Variants in CTSO observed in about 807,000 individuals in gnomAD.
CTSO encodes cathepsin O.
In CTSO, 40 loss-of-function variants were observed where a neutral mutation model predicts 42.4. The ratio of observed to expected loss-of-function variants is 0.94; its 90% CI spans 0.73 to 1.23. The LOEUF is 1.23. CTSO is among the 50% of genes most tolerant of loss of function. The probability of loss-of-function intolerance (pLI) is 0.00; values close to 1 mark genes in which losing one functional copy is unlikely to be tolerated. For synonymous variants in CTSO, 156 were observed against 146.2 expected, an observed-to-expected ratio of 1.07 and a Z score of -0.48; for missense variants, 441 against 396.0, an observed-to-expected ratio of 1.11 and a Z score of -0.96.
rs746546421 is a variant in CTSO at position 155,929,605 on chromosome 4, G to A, written c.775C>T (p.Gln259Ter). The A allele has an allele frequency of 3.7e-6, 6 of 1,613,840 alleles. No individual in the cohort carries two copies. The highest frequency in any genetic ancestry group is 5.1e-6 in the Non-Finnish European group (6 of 1,179,988). Reference protein sequence around the residue: ...SWQDYLGGIIQHHCSSGEANH... With the variant: ...SWQDYLGGII ...GCTTCTCCACTAGAGCAGTGATGCTGTATAATGCCTCCCAGATAATCTTGC... is the reference window on the plus strand; with the variant it reads ...GCTTCTCCACTAGAGCAGTGATGCTATATAATGCCTCCCAGATAATCTTGC... Residue 259 changes from glutamine (Q) to a stop codon, truncating the protein, a stop_gained, in exon 6 of 8, where the codon CAG (glutamine) becomes TAG (stop). Coordinates refer to ENST00000433477, the MANE Select transcript of CTSO (RefSeq NM_001334.3). LOFTEE classifies it high-confidence loss of function.
At position 155,939,442 on chromosome 4, in the gene CTSO, T is replaced by C; in HGVS notation, c.481A>G (p.Ile161Val). 6.2e-7 allele frequency: 1 copy of C among 1,614,206 alleles called. No homozygotes were observed. The highest frequency in any genetic ancestry group is 1.7e-5 in the Admixed American group (1 of 60,026). ...CCATAATTATTATACGAACAGTCAA[T>C]GACCTGCTGGACACTTAGGTCTTCC... Reference protein sequence around the residue: ...PLEDLSVQQVIDCSYNNYGCN... With the variant: ...PLEDLSVQQVVDCSYNNYGCN... The change falls in exon 4 of 8, where the codon ATT becomes GTT. Residue 161 changes from isoleucine to valine, a missense_variant. Coordinates refer to ENST00000433477, the MANE Select transcript of CTSO (RefSeq NM_001334.3).
chr4:155,950,411 T>C (rs935250867), intron 1 of CTSO, among the ~76,000 whole-genome samples: 2 of 152,216 alleles, frequency 1.3e-5, no homozygotes, highest in African/African-American at 4.8e-5. Flanking sequence ...AAGTATTGGA[T>C]AAATGTATGG....
At position 155,953,741 on chromosome 4, in the gene CTSO, C is replaced by A; in HGVS notation, c.107G>T (p.Ser36Ile). 7.8e-7 allele frequency: 1 copy of A among 1,276,896 alleles called. No individual in the cohort carries two copies. Among genetic ancestry groups the A allele is most frequent in the Non-Finnish European group, 9.9e-7 (1 of 1,012,530 alleles). The allele number at this position is 1,276,896 out of a possible 1,614,324, so 79.1% of individuals were successfully genotyped here. A position where few individuals can be genotyped will look rare whatever the true frequency, so the allele number is the denominator to read the frequency against. Residue 36 changes from serine to isoleucine, a missense_variant, in exon 1 of 8, where the codon AGC (serine) becomes ATC (isoleucine). Coordinates refer to ENST00000433477, the MANE Select transcript of CTSO (RefSeq NM_001334.3). Reference sequence around the variant, plus strand: ...GAAGGCGGCGGCTTCACGCTCGCGGCTCCGCGGCCAGGTCGGGGTGAAGGG... The same window carrying A: ...GAAGGCGGCGGCTTCACGCTCGCGGATCCGCGGCCAGGTCGGGGTGAAGGG... ...RAPFTPTWPRSREREAAAFRE... is the reference protein window; with the variant it reads ...RAPFTPTWPRIREREAAAFRE...
Position 155,925,882 on chromosome 4 carries a change from A to G in CTSO, c.*154T>C. On this transcript the variant is annotated 3_prime_UTR_variant, in exon 8 of 8. Coordinates refer to ENST00000433477, the MANE Select transcript of CTSO (RefSeq NM_001334.3). The stretch of plus-strand genomic sequence containing the variant: ...GTTGTCCATCTCTCTACAAGAAGGG[A>G]ACATTCTGAAACTTAGTTTAAATAC... 1 of 676,804 alleles carries G rather than the reference A, an allele frequency of 1.5e-6. No individual in the cohort carries two copies. The highest frequency in any genetic ancestry group is 2.5e-6 in the Non-Finnish European group (1 of 399,952). The allele number at this position is 676,804 out of a possible 1,614,324, so 41.9% of individuals were successfully genotyped here.
chr4:155,930,255 G>A (rs1265883646), intron 5 of CTSO, among the ~76,000 whole-genome samples: 1 of 152,150 alleles, frequency 6.6e-6, no homozygotes, highest in Non-Finnish European at 1.5e-5. Flanking sequence ...GCCACACCAT[G>A]AGAATCAAGA....
intron 1 of CTSO, among the ~76,000 whole-genome samples, chr4:155,944,192 T>C (rs1743494090): frequency 6.6e-6 from 1 of 152,194 alleles, no homozygotes; most frequent in South Asian, 2.1e-4. Context: ...GTTGAATAAA[T>C]AGATAAGTGA....
At chr4:155,947,016 C>T (rs10006015) in intron 1 of CTSO, among the ~76,000 whole-genome samples, 81,355 of 151,866 alleles carry the variant, frequency 0.54, 22,426 homozygotes, top group South Asian at 0.64. Flanking sequence ...CCACAATGCC[C>T]GGCTAATTTT....
intron 5 of CTSO, among the ~76,000 whole-genome samples, chr4:155,932,440 T>G (rs1384395904): frequency 6.6e-6 from 1 of 152,182 alleles, no homozygotes; most frequent in Non-Finnish European, 1.5e-5. Context: ...GACCAGGTCT[T>G]GTGCCCAGTT....
At chr4:155,930,379 A>C (rs188230011) in intron 5 of CTSO, among the ~76,000 whole-genome samples, 1 of 152,338 alleles carries the variant, frequency 6.6e-6, no homozygotes, top group African/African-American at 2.4e-5. Context: ...TTAAAAAGAG[A>C]AGAAATGTTA....
intron 1 of CTSO, among the ~76,000 whole-genome samples, chr4:155,949,073 C>G (rs978778193): frequency 6.6e-6 from 1 of 152,212 alleles, no homozygotes; most frequent in African/African-American, 2.4e-5. Context: ...TTCTCAGCCA[C>G]TGAATGCACT....
chr4:155,928,190 C>T, intron 7 of CTSO, 146 bp downstream of exon 7: 1 of 466,800 alleles, frequency 2.1e-6, no homozygotes, highest in South Asian at 4.8e-5. Context: ...AACAGTTCCT[C>T]TTGCAAAACA....
intron 1 of CTSO, among the ~76,000 whole-genome samples, chr4:155,951,177 T>TA (rs1227758466): frequency 6.6e-6 from 1 of 152,208 alleles, no homozygotes; most frequent in Non-Finnish European, 1.5e-5. Flanking sequence ...AAATTTTATG[T>TA]AAAATCACAT....
chr4:155,937,540 G>A (rs1222660465), intron 4 of CTSO, 57 bp from the exon 5 acceptor site: 74 of 1,535,610 alleles, frequency 4.8e-5, no homozygotes, highest in Non-Finnish European at 6.6e-5. Flanking sequence ...AAATCAAATA[G>A]AACTTACTTC....
At chr4:155,951,416 G>C (rs1743671835) in intron 1 of CTSO, among the ~76,000 whole-genome samples, 1 of 152,192 alleles carries the variant, frequency 6.6e-6, no homozygotes, top group South Asian at 2.1e-4. Flanking sequence ...GAGTGAAAGT[G>C]CAGAGATAAG....
chr4:155,953,791 G>T lies in CTSO; in HGVS notation c.57C>A (p.Gly19=). 1 of 1,342,942 alleles carries T rather than the reference G, an allele frequency of 7.4e-7. No homozygotes were observed. Among genetic ancestry groups the T allele is most frequent in the Non-Finnish European group, 9.6e-7 (1 of 1,043,608 alleles). 83.2% of individuals were successfully genotyped at this position (1,342,942 alleles called of 1,614,324 possible). Residue 19 remains glycine (G), a synonymous_variant, in exon 1 of 8, where the codon GGC becomes GGA. Transcript: ENST00000433477. ...LPWLLWLLCR[G]GGDADSRAPF... ...GGGCGCGGGAGTCCGCATCGCCGCCGCCCCGGCACAGCAGCCACAGCAGCC... is the reference window on the plus strand; with the variant it reads ...GGGCGCGGGAGTCCGCATCGCCGCCTCCCCGGCACAGCAGCCACAGCAGCC...
rs187106526 is a variant in CTSO, at chr4:155,928,177, T to A, written c.931+159A>T. Among the ~76,000 whole-genome samples, 50 of 145,690 alleles carry A rather than the reference T, an allele frequency of 3.4e-4. No individual in the cohort carries two copies. In the East Asian group the frequency reaches 9.8e-3, roughly 29 times the overall value. ...TCTTCCTTTTTCAAATACTAATATG[T>A]TTAACAGTTCCTCTTGCAAAACACT... On this transcript the variant is annotated intron_variant, in intron 7 of 7. Transcript: ENST00000433477.
chr4:155,944,955 TAAAAAAA>T (rs34358651), intron 1 of CTSO, among the ~76,000 whole-genome samples: 1 of 117,622 alleles, frequency 8.5e-6, no homozygotes, highest in Non-Finnish European at 1.7e-5. Context: ...TGTGATTGAT[TAAAAAAA>T]AAAAAAAAAA....
chr4:155,944,050 T>C (rs17314568), intron 1 of CTSO, among the ~76,000 whole-genome samples: 24,659 of 152,216 alleles, frequency 0.16, 2,543 homozygotes, highest in Non-Finnish European at 0.24. Flanking sequence ...TCTATGTACT[T>C]ATGTGTTTAT....
chr4:155,927,108 AATAACTT>A (rs1288738971), intron 7 of CTSO, among the ~76,000 whole-genome samples: 7 of 152,186 alleles, frequency 4.6e-5, no homozygotes, highest in Admixed American at 3.9e-4. Flanking sequence ...TTTTTCAATG[AATAACTT>A]ATAAAAACTG....
Sources: gnomAD v4.1 joint callset for allele counts (sites outside exome capture counted in the v4.1 genomes callset) on GRCh38, gnomAD v4.1.1 for gene constraint, MANE v1.5 for transcripts, NCBI Gene and HGNC (gene_info 2026-07-23, HGNC 2026-07-21) for gene names.